IDE: variants seen among roughly 807,000 people sequenced by gnomAD.
The protein encoded by IDE is insulin-degrading enzyme.
Under a neutral mutation model 133.2 loss-of-function variants are expected in IDE, and 58 were observed. The observed-to-expected ratio is 0.44, with a 90% CI of 0.35 to 0.54. The LOEUF (loss-of-function observed/expected upper bound fraction) is 0.54, where lower values mean the gene tolerates loss of function less well. Among genes scored for constraint, IDE ranks in the 20% least tolerant of loss-of-function variants. The pLI is 0.00. For synonymous variants in IDE, 396 were observed against 421.3 expected, an observed-to-expected ratio of 0.94 and a Z score of 0.73; for missense variants, 981 against 1,234.0, an observed-to-expected ratio of 0.79 and a Z score of 3.07.
intron 14 of IDE, 195 bp from the exon 15 acceptor site, chr10:92,479,616 T>C: frequency 2.0e-6 from 1 of 512,690 alleles, no homozygotes; most frequent in East Asian, 3.1e-5. Flanking sequence ...TGTGAGTGTG[T>C]GTGTGTGTGT....
At chr10:92,507,730 C>T in intron 8 of IDE, 64 bp from the exon 9 acceptor site, 1 of 903,304 alleles carries the variant, frequency 1.1e-6, no homozygotes, top group Admixed American at 1.7e-5. Flanking sequence ...AGTGAGCTCA[C>T]TCCTAAGGTA....
chr10:92,506,579 T>A (rs1372452233), intron 9 of IDE, 57 bp from the exon 10 acceptor site: 1 of 856,880 alleles, frequency 1.2e-6, no homozygotes, highest in Non-Finnish European at 1.9e-6. Context: ...AAACCTTTTT[T>A]TTTTTTTTTA....
intron 1 of IDE, among the ~76,000 whole-genome samples, chr10:92,553,503 A>G (rs1842884048): frequency 6.6e-6 from 1 of 152,196 alleles, no homozygotes; most frequent in Admixed American, 6.5e-5. Flanking sequence ...TCATTTTATG[A>G]AATCAGTATT....
In IDE at chr10:92,508,067, G is replaced by C. The variant is rs758194093; in HGVS notation, c.1153+46C>G. 2.2e-6 allele frequency: 3 copies of C among 1,365,676 alleles called. No individual in the cohort carries two copies. In the East Asian group the frequency reaches 6.9e-5, roughly 31 times the overall value. The allele number at this position is 1,365,676 out of a possible 1,614,324, so 84.6% of individuals were successfully genotyped here. On this transcript the variant is annotated intron_variant, in intron 8 of 24. Coordinates refer to ENST00000265986, the MANE Select transcript of IDE (RefSeq NM_004969.4). ...CATGAAGAAGTTAAAAAACATCATA[G>C]AAAGTAAATTTTCATTCAAAAGTAA... is the stretch of plus-strand genomic sequence containing the variant.
At chr10:92,461,156 A>G (rs1407069996) in intron 22 of IDE, 35 bp downstream of exon 22, 1 of 1,027,960 alleles carries the variant, frequency 9.7e-7, no homozygotes. Flanking sequence ...ATACTTTCAT[A>G]TCAGTCAAAA....
intron 22 of IDE, among the ~76,000 whole-genome samples, chr10:92,457,783 T>C (rs1220607042): frequency 1.3e-5 from 2 of 152,146 alleles, no homozygotes; most frequent in South Asian, 2.1e-4. Flanking sequence ...CCTGGTCCTA[T>C]GTGACTGCAA....
intron 11 of IDE, among the ~76,000 whole-genome samples, chr10:92,500,622 A>G (rs1256237993): frequency 1.3e-5 from 2 of 152,204 alleles, no homozygotes; most frequent in Non-Finnish European, 2.9e-5. Flanking sequence ...GTGTGGAACT[A>G]TATCTGGACT....
chr10:92,508,791 A>G lies in IDE; in HGVS notation c.997T>C (p.Tyr333His). Residue 333 changes from tyrosine to histidine, a missense_variant, in exon 7 of 25, where the codon TAT (tyrosine) becomes CAT (histidine). Coordinates refer to ENST00000265986, the MANE Select transcript of IDE (RefSeq NM_004969.4). ...TCATGCCCAATGAGATGACCAAGATAATGACCAGGATTTGATTTGTAGTAT... is the reference window on the plus strand; with the variant it reads ...TCATGCCCAATGAGATGACCAAGATGATGACCAGGATTTGATTTGTAGTAT... Reference protein sequence around the residue: ...QKYYKSNPGHYLGHLIGHEGP... With the variant: ...QKYYKSNPGHHLGHLIGHEGP... 1 of 1,613,964 alleles carries G rather than the reference A, an allele frequency of 6.2e-7. No homozygotes were observed. The highest frequency in any genetic ancestry group is 8.5e-7 in the Non-Finnish European group (1 of 1,179,830).
At chr10:92,514,899 A>C (rs778998257) in intron 5 of IDE, 21 bp downstream of exon 5, 3 of 1,597,102 alleles carry the variant, frequency 1.9e-6, no homozygotes, top group Non-Finnish European at 2.6e-6. Flanking sequence ...CAATTCTATA[A>C]AAAATTGTAA....
At chr10:92,456,946 T>A (rs1845063722) in intron 22 of IDE, among the ~76,000 whole-genome samples, 1 of 151,890 alleles carries the variant, frequency 6.6e-6, no homozygotes. Flanking sequence ...TCTAGAAAGA[T>A]TTAGCAAGGC....
chr10:92,483,291 A>G lies in IDE; in HGVS notation c.1703T>C (p.Phe568Ser). 3 of 1,610,326 alleles carry G rather than the reference A, an allele frequency of 1.9e-6. No individual in the cohort carries two copies. The East Asian group carries it at 6.7e-5, about 36-fold the overall frequency. Reference protein sequence around the residue: ...KLWFKQDDKFFLPKACLNFEF... With the variant: ...KLWFKQDDKFSLPKACLNFEF... ...AAAGTTGAGACAAGCCTTCGGCAAA[A>G]AAAACTTATCATCTTGTTTGAACCA... The change falls in exon 14 of 25, where the codon TTT (phenylalanine) becomes TCT (serine). Residue 568 changes from phenylalanine to serine, a missense_variant. This residue lies in a region of IDE where 660 missense variants were observed against 894.7 expected (regional missense o/e 0.74). Transcript: ENST00000265986.
chr10:92,507,668 T>C lies in IDE; in HGVS notation c.1154-2A>G. 1 of 1,526,764 alleles carries C rather than the reference T, an allele frequency of 6.5e-7. No homozygotes were observed. The highest frequency in any genetic ancestry group is 1.7e-5 in the Admixed American group (1 of 59,900). 94.6% of individuals were successfully genotyped at this position (1,526,764 alleles called of 1,614,324 possible). On this transcript the variant is annotated splice_acceptor_variant, in intron 8 of 24. Coordinates refer to ENST00000265986, the MANE Select transcript of IDE (RefSeq NM_004969.4). LOFTEE classifies it high-confidence loss of function. ...GCAAAATTATATCTTCAACATGTAC[T>C]GGAAAAAAGGGGCACACTTAAAAAC...
At chr10:92,563,263 AAC>A (rs1843365798) in intron 1 of IDE, among the ~76,000 whole-genome samples, 1 of 145,412 alleles carries the variant, frequency 6.9e-6, no homozygotes, top group African/African-American at 2.5e-5. Context: ...GGGGGGAAAA[AAC>A]CATGGTGAAA....
chr10:92,513,341 C>T (rs61860641), intron 5 of IDE, among the ~76,000 whole-genome samples: 32 of 152,116 alleles, frequency 2.1e-4, no homozygotes, highest in South Asian at 8.3e-4. Flanking sequence ...TACAGGTGCC[C>T]GCCACCATGC....
At chr10:92,514,483 T>G (rs147898385) in intron 5 of IDE, among the ~76,000 whole-genome samples, 56 of 152,234 alleles carry the variant, frequency 3.7e-4, no homozygotes, top group African/African-American at 1.3e-3. Flanking sequence ...CCACCCAGGC[T>G]GGAGTGCAGT....
chr10:92,536,304 A>C (rs1046465047), intron 2 of IDE, among the ~76,000 whole-genome samples: 1 of 149,506 alleles, frequency 6.7e-6, no homozygotes, highest in Admixed American at 6.8e-5. Flanking sequence ...GATTGCTTGA[A>C]CCTGGGAGGT....
At chr10:92,466,292 C>T (rs1250308589) in intron 19 of IDE, among the ~76,000 whole-genome samples, 1 of 150,562 alleles carries the variant, frequency 6.6e-6, no homozygotes, top group African/African-American at 2.4e-5. Context: ...CTCTCTCCCT[C>T]ACCCACCTCA....
At chr10:92,491,761 C>T (rs1486357589) in intron 11 of IDE, among the ~76,000 whole-genome samples, 1 of 152,066 alleles carries the variant, frequency 6.6e-6, no homozygotes, top group Non-Finnish European at 1.5e-5. Flanking sequence ...CAGGTGCCTA[C>T]CACCTTGCCC....
At chr10:92,532,118 T>C (rs1026967982) in intron 3 of IDE, among the ~76,000 whole-genome samples, 14 of 151,908 alleles carry the variant, frequency 9.2e-5, no homozygotes, top group African/African-American at 3.4e-4. Flanking sequence ...CAGAGGTAAA[T>C]GCAGAGGAGT....
Sources: gnomAD v4.1 joint callset for allele counts (sites outside exome capture counted in the v4.1 genomes callset) on GRCh38, gnomAD v4.1.1 for gene constraint, gnomAD v4.1.1 regional missense constraint, MANE v1.5 for transcripts, NCBI Gene and HGNC (gene_info 2026-07-23, HGNC 2026-07-21) for gene names.